The following OR13C5 variants were observed in gnomAD, a reference collection of about 807,000 sequenced individuals.
OR13C5 encodes the protein olfactory receptor family 13 subfamily C member 5, also known as olfactory receptor 13C5.
OR13C5 carries 9 observed loss-of-function variants against 12.4 expected under a neutral mutation model. That is an observed-to-expected ratio of 0.72 (90% confidence interval 0.44 to 1.26). OR13C5 has a LOEUF of 1.26. OR13C5 is among the 50% of genes most tolerant of loss of function. The pLI is 0.00. For missense variants in OR13C5, 361 were observed against 374.4 expected, an observed-to-expected ratio of 0.96 and a Z score of 0.29; for synonymous variants, 124 against 139.4, an observed-to-expected ratio of 0.89 and a Z score of 0.78.
At position 104,599,127 on chromosome 9, in the gene OR13C5, C is replaced by G; in HGVS notation, c.287G>C (p.Gly96Ala). ...LSERKTISLS[G>A]CAVQMFLSLA... ...GCTGAGGAACATCTGCACTGCACAG[C>G]CAGAAAGGGAAATGGTCTTTCTTTC... The change falls in exon 1 of 1, where the codon GGC (glycine) becomes GCC (alanine). Residue 96 changes from glycine to alanine, a missense_variant. Around this residue, in one of 2 missense-constraint regions of OR13C5, gnomAD observed 294 missense variants for 268.0 expected, o/e 1.10. Coordinates refer to ENST00000374779, the MANE Select transcript of OR13C5 (RefSeq NM_001004482.1). The G allele has an allele frequency of 6.2e-7, 1 of 1,613,114 alleles. No individual in the cohort carries two copies. The highest frequency in any genetic ancestry group is 1.1e-5 in the South Asian group (1 of 91,022).
rs754228490 is a variant in OR13C5, at chr9:104,598,684, G to A, written c.730C>T (p.Arg244Cys). The A allele has an allele frequency of 5.0e-6, 8 of 1,613,828 alleles. No individual in the cohort carries two copies. The highest frequency in any genetic ancestry group is 1.6e-4 in the Middle Eastern group (1 of 6,082). The change falls in exon 1 of 1, where the codon CGT (arginine) becomes TGT (cysteine). Residue 244 changes from arginine to cysteine, a missense_variant. Physicochemically the swap from Arg to Cys is radical, Grantham distance 180. Coordinates refer to ENST00000374779, the MANE Select transcript of OR13C5 (RefSeq NM_001004482.1). Reference sequence around the variant, plus strand: ...CAGAATGTTATCACCACAGTCAGACGAGCTGAGCAGGTAGAGGAAGGTTTG... The same window carrying A: ...CAGAATGTTATCACCACAGTCAGACAAGCTGAGCAGGTAGAGGAAGGTTTG... ...RSKPSSTCSA[R>C]LTVVITFCGT...
rs1360699921 is a variant in OR13C5 at position 104,598,568 on chromosome 9, T to C, written c.846A>G (p.Ile282Met). Reference sequence around the variant, plus strand: ...TCATGGGAGTCATCACCCTGTAGAATATGAATATAAGTTTGTCAGTGGCAT... The same window carrying C: ...TCATGGGAGTCATCACCCTGTAGAACATGAATATAAGTTTGTCAGTGGCAT... ...DLDATDKLIF[I>M]FYRVMTPMMN... is the part of the protein sequence containing the mutation. Residue 282 changes from isoleucine (I) to methionine (M), a missense_variant, in exon 1 of 1, where the codon ATA becomes ATG. Ile to Met is a conservative substitution (Grantham distance 10). This residue lies in a region of OR13C5 where 294 missense variants were observed against 268.0 expected (regional missense o/e 1.10). Transcript: ENST00000374779. 4.3e-6 allele frequency: 7 copies of C among 1,613,426 alleles called. No homozygotes were observed. Among genetic ancestry groups the C allele is most frequent in the African/African-American group, 1.3e-5 (1 of 74,848 alleles).
At position 104,598,612 on chromosome 9, in the gene OR13C5, G is replaced by C. The variant is rs961511135; in HGVS notation, c.802C>G (p.Leu268Val). 1 of 1,613,880 alleles carries C rather than the reference G, an allele frequency of 6.2e-7. No individual in the cohort carries two copies. The highest frequency in any genetic ancestry group is 2.2e-5 in the East Asian group (1 of 44,848). ...GTGGCATCCAAGTCATCTGAATTAA[G>C]TGTCTCTTGAGACTTGGGCTTCATG... ...MYMKPKSQET[L>V]NSDDLDATDK... The change falls in exon 1 of 1, where the codon CTT becomes GTT. Residue 268 changes from leucine (L) to valine (V), a missense_variant. Leu to Val is a conservative substitution (Grantham distance 32). Coordinates refer to ENST00000374779, the MANE Select transcript of OR13C5 (RefSeq NM_001004482.1).
Position 104,598,605 on chromosome 9 carries a change from G to A in OR13C5, c.809C>T (p.Ser270Leu), listed in dbSNP as rs1189122186. ...TTTGTCAGTGGCATCCAAGTCATCT[G>A]AATTAAGTGTCTCTTGAGACTTGGG... ...MKPKSQETLN[S>L]DDLDATDKLI... The change falls in exon 1 of 1, where the codon TCA becomes TTA. Residue 270 changes from serine (S) to leucine (L), a missense_variant. Coordinates refer to ENST00000374779, the MANE Select transcript of OR13C5 (RefSeq NM_001004482.1). 20 of 1,613,720 alleles carry A rather than the reference G, an allele frequency of 1.2e-5. No homozygotes were observed. The Admixed American group carries it at 1.7e-4, about 13-fold the overall frequency.
In OR13C5 at chr9:104,598,587, G is replaced by C. The variant is rs760119573; in HGVS notation, c.827C>G (p.Thr276Ser). The change falls in exon 1 of 1, where the codon ACT (threonine) becomes AGT (serine). Residue 276 changes from threonine to serine, a missense_variant. Around this residue, in one of 2 missense-constraint regions of OR13C5, gnomAD observed 294 missense variants for 268.0 expected, o/e 1.10. Coordinates refer to ENST00000374779, the MANE Select transcript of OR13C5 (RefSeq NM_001004482.1). ...ETLNSDDLDA[T>S]DKLIFIFYRV... ...GTAGAATATGAATATAAGTTTGTCA[G>C]TGGCATCCAAGTCATCTGAATTAAG... 4.3e-6 allele frequency: 7 copies of C among 1,613,570 alleles called. No homozygotes were observed. The highest frequency in any genetic ancestry group is 1.6e-4 in the Middle Eastern group (1 of 6,080).
chr9:104,598,758 G>C lies in OR13C5; in HGVS notation c.656C>G (p.Thr219Arg), dbSNP rs111657456. ...TTTGAAGATGCTCAAAATGATTAACGTGTAAGAGACAATAATTAATAACAA... is the reference window on the plus strand; with the variant it reads ...TTTGAAGATGCTCAAAATGATTAACCTGTAAGAGACAATAATTAATAACAA... The part of the protein sequence containing the change: ...TPLLLIIVSY[T>R]LIILSIFKIS... Residue 219 changes from threonine (T) to arginine (R), a missense_variant, in exon 1 of 1, where the codon ACG (threonine) becomes AGG (arginine). Coordinates refer to ENST00000374779, the MANE Select transcript of OR13C5 (RefSeq NM_001004482.1). The C allele has an allele frequency of 6.2e-7, 1 of 1,613,932 alleles. No individual in the cohort carries two copies.
rs1324469059 is a variant in OR13C5 at position 104,598,717 on chromosome 9, C to G, written c.697G>C (p.Gly233Arg). Reference protein sequence around the residue: ...LSIFKISSSEGRSKPSSTCSA... With the variant: ...LSIFKISSSERRSKPSSTCSA... The stretch of plus-strand genomic sequence containing the variant: ...CAGGTAGAGGAAGGTTTGCTTCTCC[C>G]CTCCGAAGAGCTAATTTTGAAGATG... Residue 233 changes from glycine (G) to arginine (R), a missense_variant, in exon 1 of 1, where the codon GGG (glycine) becomes CGG (arginine). Coordinates refer to ENST00000374779, the MANE Select transcript of OR13C5 (RefSeq NM_001004482.1). The G allele has an allele frequency of 1.2e-6, 2 of 1,613,776 alleles. No homozygotes were observed. Among genetic ancestry groups the G allele is most frequent in the Non-Finnish European group, 8.5e-7 (1 of 1,179,932 alleles).
In OR13C5 at chr9:104,599,279, G is replaced by A. The variant is rs745784086; in HGVS notation, c.135C>T (p.Leu45=). Residue 45 remains leucine, a synonymous_variant, in exon 1 of 1, where the codon CTC becomes CTT. Coordinates refer to ENST00000374779, the MANE Select transcript of OR13C5 (RefSeq NM_001004482.1). The part of the protein sequence containing the change: ...YVVILLGNGT[L]ILISILDPHL... ...GAGGGTCCAAGATGCTGATTAAAAT[G>A]AGAGTACCATTCCCCAGAAGGATGA... The A allele has an allele frequency of 1.4e-5, 23 of 1,608,266 alleles. 1 individual carries two copies. In the Admixed American group the frequency reaches 1.5e-4, roughly 11 times the overall value.
rs146046167 is a variant in OR13C5, at chr9:104,599,019, T to C, written c.395A>G (p.Tyr132Cys). The C allele has an allele frequency of 1.1e-5, 17 of 1,613,704 alleles. No homozygotes were observed. The African/African-American group carries it at 2.1e-4, about 20-fold the overall frequency. ...RYVAICNPLRYPIIMSKDAYV... is the reference protein window; with the variant it reads ...RYVAICNPLRCPIIMSKDAYV... ...GGCATCCTTACTCATGATGATGGGA[T>C]ATCTCAGAGGGTTGCAGATAGCCAC... is the stretch of plus-strand genomic sequence containing the variant. The change falls in exon 1 of 1, where the codon TAT becomes TGT. Residue 132 changes from tyrosine to cysteine, a missense_variant. By Grantham distance (194) the Tyr-to-Cys change is radical. Around this residue, in one of 2 missense-constraint regions of OR13C5, gnomAD observed 294 missense variants for 268.0 expected, o/e 1.10. Transcript: ENST00000374779.
In OR13C5 at chr9:104,599,399, G is replaced by C. The variant is rs75903943; in HGVS notation, c.15C>G (p.Asn5Lys). The change falls in exon 1 of 1, where the codon AAC becomes AAG. Residue 5 changes from asparagine to lysine, a missense_variant. By Grantham distance (94) the Asn-to-Lys change is moderately conservative. Coordinates refer to ENST00000374779, the MANE Select transcript of OR13C5 (RefSeq NM_001004482.1). Reference protein sequence around the residue: MEWENHTILVEFFLK... With the variant: MEWEKHTILVEFFLK... ...GAAAAAATTCCACCAGAATGGTGTG[G>C]TTTTCCCATTCCATTTTACTCCCTC... is the stretch of plus-strand genomic sequence containing the variant. 2.2e-4 allele frequency: 351 copies of C among 1,607,322 alleles called. No individual in the cohort carries two copies. The African/African-American group carries it at 4.3e-3, about 20-fold the overall frequency.
rs1826238639 is a variant in OR13C5 at position 104,599,302 on chromosome 9, T to A, written c.112A>T (p.Ile38Phe). Residue 38 changes from isoleucine to phenylalanine, a missense_variant, in exon 1 of 1, where the codon ATC (isoleucine) becomes TTC (phenylalanine). By Grantham distance (21) the Ile-to-Phe change is conservative (BLOSUM62 0). Transcript: ENST00000374779. ...FVLIFIMYVV[I>F]LLGNGTLILI... Reference sequence around the variant, plus strand: ...ATGAGAGTACCATTCCCCAGAAGGATGACCACATACATTATGAAGATGAGC... The same window carrying A: ...ATGAGAGTACCATTCCCCAGAAGGAAGACCACATACATTATGAAGATGAGC... 1 of 1,608,338 alleles carries A rather than the reference T, an allele frequency of 6.2e-7. No individual in the cohort carries two copies.
At position 104,599,092 on chromosome 9, in the gene OR13C5, C is replaced by A. The variant is rs867341370; in HGVS notation, c.322G>T (p.Gly108Trp). 6.2e-7 allele frequency: 1 copy of A among 1,613,264 alleles called. No individual in the cohort carries two copies. The highest frequency in any genetic ancestry group is 8.5e-7 in the Non-Finnish European group (1 of 1,179,948). Residue 108 changes from glycine to tryptophan, a missense_variant, in exon 1 of 1, where the codon GGG (glycine) becomes TGG (tryptophan). This residue lies in a region of OR13C5 where 294 missense variants were observed against 268.0 expected (regional missense o/e 1.10). Coordinates refer to ENST00000374779, the MANE Select transcript of OR13C5 (RefSeq NM_001004482.1). ...AVQMFLSLAM[G>W]TTECVLLGVM... is the part of the protein sequence containing the mutation. ...CCCAGAAGCACACACTCTGTTGTCCCCATGGCCAAGCTGAGGAACATCTGC... is the reference window on the plus strand; with the variant it reads ...CCCAGAAGCACACACTCTGTTGTCCACATGGCCAAGCTGAGGAACATCTGC...
Position 104,598,778 on chromosome 9 carries a change from TAAC to T in OR13C5, c.633_635del (p.Leu213del). On this transcript the variant is annotated inframe_deletion, in exon 1 of 1. Transcript: ENST00000374779. The stretch of plus-strand genomic sequence containing the variant: ...TTAACGTGTAAGAGACAATAATTAA[TAAC>T]AAAGGTGTCAATAGGAACAATGTTG... 6.2e-7 allele frequency: 1 copy of T among 1,614,010 alleles called. No homozygotes were observed. Among genetic ancestry groups the T allele is most frequent in the Non-Finnish European group, 8.5e-7 (1 of 1,179,964 alleles).
rs1326938260 is a variant in OR13C5 at position 104,598,939 on chromosome 9, G to T, written c.475C>A (p.Gln159Lys). The T allele has an allele frequency of 1.9e-6, 3 of 1,613,944 alleles. No homozygotes were observed. Among genetic ancestry groups the T allele is most frequent in the African/African-American group, 2.7e-5 (2 of 74,916 alleles). ...WIIGAVNSAV[Q>K]TVFVVQLPFC... ...GGCAATTGTACCACAAACACTGTTT[G>T]TACTGCAGAATTGACAGCTCCTATG... is the stretch of plus-strand genomic sequence containing the variant. The change falls in exon 1 of 1, where the codon CAA becomes AAA. Residue 159 changes from glutamine to lysine, a missense_variant. Around this residue, in one of 2 missense-constraint regions of OR13C5, gnomAD observed 294 missense variants for 268.0 expected, o/e 1.10. Transcript: ENST00000374779.
At position 104,598,901 on chromosome 9, in the gene OR13C5, A is replaced by G. The variant is rs1265603824; in HGVS notation, c.513T>C (p.Asn171=). The change falls in exon 1 of 1, where the codon AAT becomes AAC. Residue 171 remains asparagine (N), a synonymous_variant. Transcript: ENST00000374779. ...VFVVQLPFCR[N]NIINHFTCEI... ...CACAGGTGAAATGATTGATGATGTTATTCCTGCAGAAAGGCAATTGTACCA... is the reference window on the plus strand; with the variant it reads ...CACAGGTGAAATGATTGATGATGTTGTTCCTGCAGAAAGGCAATTGTACCA... 2 of 1,506,776 alleles carry G rather than the reference A, an allele frequency of 1.3e-6. No individual in the cohort carries two copies. Among genetic ancestry groups the G allele is most frequent in the East Asian group, 2.6e-5 (1 of 38,046 alleles). The allele number at this position is 1,506,776 out of a possible 1,614,324, so 93.3% of individuals were successfully genotyped here. A position where few individuals can be genotyped will look rare whatever the true frequency, so the allele number is the denominator to read the frequency against.
rs1297712460 is a variant in OR13C5 at position 104,598,628 on chromosome 9, G to C, written c.786C>G (p.Pro262=). 1.9e-6 allele frequency: 3 copies of C among 1,613,884 alleles called. No homozygotes were observed. Among genetic ancestry groups the C allele is most frequent in the Non-Finnish European group, 2.5e-6 (3 of 1,179,892 alleles). Reference sequence around the variant, plus strand: ...CTGAATTAAGTGTCTCTTGAGACTTGGGCTTCATGTACATGAGGAAGATGG... The same window carrying C: ...CTGAATTAAGTGTCTCTTGAGACTTCGGCTTCATGTACATGAGGAAGATGG... The part of the protein sequence containing the change: ...CGTIFLMYMK[P]KSQETLNSDD... Residue 262 remains proline, a synonymous_variant, in exon 1 of 1, where the codon CCC becomes CCG. Transcript: ENST00000374779.
Position 104,598,460 on chromosome 9 carries a change from C to T in OR13C5, c.954G>A (p.Lys318=). Residue 318 remains lysine (K), a synonymous_variant, in exon 1 of 1, where the codon AAG becomes AAA. Transcript: ENST00000374779. The part of the protein sequence containing the change: ...KHLLRRKNFN[K] ...AAATTACTCTCACCTTTCTCATTTA[C>T]TTGTTAAAATTTTTTCTTCTCAGTA... is the stretch of plus-strand genomic sequence containing the variant. 6.6e-7 allele frequency: 1 copy of T among 1,508,234 alleles called. No individual in the cohort carries two copies. The highest frequency in any genetic ancestry group is 8.9e-7 in the Non-Finnish European group (1 of 1,123,996). 93.4% of individuals were successfully genotyped at this position (1,508,234 alleles called of 1,614,324 possible).
In OR13C5 at chr9:104,598,646, G is replaced by A; in HGVS notation, c.768C>T (p.Phe256=). 1 of 1,613,962 alleles carries A rather than the reference G, an allele frequency of 6.2e-7. No homozygotes were observed. Among genetic ancestry groups the A allele is most frequent in the Non-Finnish European group, 8.5e-7 (1 of 1,179,932 alleles). The part of the protein sequence containing the change: ...TVVITFCGTI[F]LMYMKPKSQE... Reference sequence around the variant, plus strand: ...GAGACTTGGGCTTCATGTACATGAGGAAGATGGTCCCACAGAATGTTATCA... The same window carrying A: ...GAGACTTGGGCTTCATGTACATGAGAAAGATGGTCCCACAGAATGTTATCA... The change falls in exon 1 of 1, where the codon TTC becomes TTT. Residue 256 remains phenylalanine, a synonymous_variant. Transcript: ENST00000374779.
Position 104,598,987 on chromosome 9 carries a change from G to A in OR13C5, c.427C>T (p.Pro143Ser). The A allele has an allele frequency of 6.2e-7, 1 of 1,613,902 alleles. No homozygotes were observed. Among genetic ancestry groups the A allele is most frequent in the Admixed American group, 1.7e-5 (1 of 59,976 alleles). Residue 143 changes from proline (P) to serine (S), a missense_variant, in exon 1 of 1, where the codon CCC (proline) becomes TCC (serine). By Grantham distance (74) the Pro-to-Ser change is moderately conservative. Coordinates refer to ENST00000374779, the MANE Select transcript of OR13C5 (RefSeq NM_001004482.1). The part of the protein sequence containing the change: ...PIIMSKDAYV[P>S]MAAGSWIIGA... ...ATGATCCAGGACCCAGCTGCCATGG[G>A]TACATAGGCATCCTTACTCATGATG...
Sources: gnomAD v4.1 joint callset for allele counts on GRCh38, gnomAD v4.1.1 for gene constraint, gnomAD v4.1.1 regional missense constraint, MANE v1.5 for transcripts, NCBI Gene and HGNC (gene_info 2026-07-23, HGNC 2026-07-21) for gene names.